Variants in RSPO2 observed in about 807,000 individuals in gnomAD.
RSPO2 encodes R-spondin 2.
A neutral mutation model predicts 30.9 loss-of-function variants in RSPO2; 14 were observed. The ratio of observed to expected loss-of-function variants is 0.45; its 90% confidence interval spans 0.30 to 0.71. The LOEUF (loss-of-function observed/expected upper bound fraction) is 0.71. Among genes scored for constraint, RSPO2 ranks in the 30% least tolerant of loss-of-function variants. The pLI is 0.08. For missense variants in RSPO2, 264 were observed against 301.9 expected (o/e 0.87, Z 0.93); for synonymous variants, 107 against 96.4 (o/e 1.11, Z -0.64).
chr8:107,923,618 CAT>C (rs1213670035), intron 5 of RSPO2, among the ~76,000 whole-genome samples: 1 of 152,122 alleles, frequency 6.6e-6, no homozygotes, highest in African/African-American at 2.4e-5. Flanking sequence ...CACATGCACT[CAT>C]ATGTTTGTTG....
chr8:107,967,613 C>A (rs1241595850), intron 3 of RSPO2, among the ~76,000 whole-genome samples: 1 of 151,978 alleles, frequency 6.6e-6, no homozygotes, highest in Non-Finnish European at 1.5e-5. Flanking sequence ...ACACAGAGAA[C>A]CAGCATTACT....
chr8:107,995,095 T>C (rs1015626262), intron 2 of RSPO2, among the ~76,000 whole-genome samples: 1 of 152,030 alleles, frequency 6.6e-6, no homozygotes, highest in African/African-American at 2.4e-5. Flanking sequence ...AAGGCCAATA[T>C]AACATCTTGA....
At chr8:107,964,857 T>C (rs1813745431) in intron 3 of RSPO2, among the ~76,000 whole-genome samples, 1 of 152,194 alleles carries the variant, frequency 6.6e-6, no homozygotes, top group East Asian at 1.9e-4. Flanking sequence ...ATTCTCATTA[T>C]AAGTAAAAAC....
chr8:107,970,939 G>T (rs1311498066), intron 3 of RSPO2, among the ~76,000 whole-genome samples: 1 of 152,204 alleles, frequency 6.6e-6, no homozygotes. Context: ...ATACAGTCTT[G>T]GTTGTACCAC....
intron 3 of RSPO2, among the ~76,000 whole-genome samples, chr8:107,967,912 C>A (rs1394359274): frequency 2.0e-5 from 3 of 151,970 alleles, no homozygotes; most frequent in Admixed American, 6.6e-5. Flanking sequence ...GTCTTAATGT[C>A]CTCATGTATT....
intron 5 of RSPO2, among the ~76,000 whole-genome samples, chr8:107,935,688 G>C (rs1050358984): frequency 1.3e-5 from 2 of 152,054 alleles, no homozygotes; most frequent in Non-Finnish European, 2.9e-5. Flanking sequence ...CTAGGAATCT[G>C]GAACAATACT....
At chr8:107,986,984 T>C (rs1227146988) in intron 3 of RSPO2, among the ~76,000 whole-genome samples, 2 of 152,310 alleles carry the variant, frequency 1.3e-5, no homozygotes, top group Non-Finnish European at 2.9e-5. Context: ...TGCAAGCCAG[T>C]CTACAACTGG....
At chr8:107,989,303 T>G in intron 2 of RSPO2, 59 bp from the exon 3 acceptor site, 1 of 1,073,352 alleles carries the variant, frequency 9.3e-7, no homozygotes, top group Non-Finnish European at 1.3e-6. Context: ...TTTTGGTAAA[T>G]ACACCTGCTG....
chr8:107,916,928 G>T (rs1185323291), intron 5 of RSPO2, among the ~76,000 whole-genome samples: 2 of 152,160 alleles, frequency 1.3e-5, no homozygotes, highest in African/African-American at 4.8e-5. Flanking sequence ...AAACTGGATA[G>T]ATTTGTAAAA....
chr8:108,080,414 C>G (rs1200658817), intron 2 of RSPO2, among the ~76,000 whole-genome samples: 1 of 152,152 alleles, frequency 6.6e-6, no homozygotes, highest in South Asian at 2.1e-4. Context: ...TTTATTAAAT[C>G]GAAAGGTTGA....
At chr8:108,058,022 A>C (rs1270471932) in intron 2 of RSPO2, among the ~76,000 whole-genome samples, 1 of 152,070 alleles carries the variant, frequency 6.6e-6, no homozygotes, top group Non-Finnish European at 1.5e-5. Context: ...GTTGAATAGG[A>C]GTGGTGAGAG....
chr8:107,908,548 A>G (rs1193518856), intron 5 of RSPO2, among the ~76,000 whole-genome samples: 2 of 152,220 alleles, frequency 1.3e-5, no homozygotes, highest in Non-Finnish European at 2.9e-5. Context: ...CTTTTACAGT[A>G]AGAGTACTGG....
At chr8:107,970,685 G>T in intron 3 of RSPO2, among the ~76,000 whole-genome samples, 1 of 152,170 alleles carries the variant, frequency 6.6e-6, no homozygotes, top group Non-Finnish European at 1.5e-5. Flanking sequence ...CTGATCAGTT[G>T]TCTGTGGGTC....
Position 107,952,995 on chromosome 8 carries a change from TG to T in RSPO2, c.616+5084del, listed in dbSNP as rs201819086. Among the ~76,000 whole-genome samples the T allele has an allele frequency of 4.7e-4, 71 of 152,316 alleles. 1 individual carries two copies. In the East Asian group the frequency reaches 0.013, roughly 29 times the overall value. On this transcript the variant is annotated intron_variant, in intron 5 of 5. Coordinates refer to ENST00000276659, the MANE Select transcript of RSPO2 (RefSeq NM_178565.5). ...TAGCACAGTACTAAGAAAATGTGACTGGAGTTTAAAGAATTGCTGTGTGGTT... is the reference window on the plus strand; with the variant it reads ...TAGCACAGTACTAAGAAAATGTGACTGAGTTTAAAGAATTGCTGTGTGGTT...
At chr8:107,930,540 C>T (rs1386765377) in intron 5 of RSPO2, among the ~76,000 whole-genome samples, 1 of 152,180 alleles carries the variant, frequency 6.6e-6, no homozygotes, top group African/African-American at 2.4e-5. Flanking sequence ...ACCTTTGTTA[C>T]ACCATATTGC....
chr8:108,041,808 G>A (rs1366578819), intron 2 of RSPO2, among the ~76,000 whole-genome samples: 1 of 152,018 alleles, frequency 6.6e-6, no homozygotes, highest in Non-Finnish European at 1.5e-5. Flanking sequence ...AATCCCAACT[G>A]AGACCAAAAA....
intron 2 of RSPO2, among the ~76,000 whole-genome samples, chr8:108,031,447 C>T (rs1380325182): frequency 1.3e-5 from 2 of 152,220 alleles, no homozygotes; most frequent in East Asian, 1.9e-4. Context: ...TACTATACAT[C>T]CCATGCACTT....
intron 5 of RSPO2, among the ~76,000 whole-genome samples, chr8:107,946,358 TGAGTAACTAGAA>T (rs1035820150): frequency 2.0e-5 from 3 of 152,210 alleles, no homozygotes; most frequent in Non-Finnish European, 4.4e-5. Context: ...ACTGCAAGCC[TGAGTAACTAGAA>T]GACTAGTGAT....
chr8:107,948,882 TA>T lies in RSPO2; in HGVS notation c.616+9197del, dbSNP rs778460028. Among the ~76,000 whole-genome samples the T allele has an allele frequency of 5.2e-3, 775 of 149,326 alleles. 8 individuals are homozygous for T. Among genetic ancestry groups the T allele is most frequent in the African/African-American group, 0.017 (696 of 40,756 alleles). On this transcript the variant is annotated intron_variant, in intron 5 of 5. Transcript: ENST00000276659. ...CTCAAAAAAAAAATAAATAAATAAATAAATAAAAATCTATTTAGAAAATACA... is the reference window on the plus strand; with the variant it reads ...CTCAAAAAAAAAATAAATAAATAAATAATAAAAATCTATTTAGAAAATACA...
Sources: gnomAD v4.1 joint callset for allele counts (sites outside exome capture counted in the v4.1 genomes callset) on GRCh38, gnomAD v4.1.1 for gene constraint, MANE v1.5 for transcripts, NCBI Gene and HGNC (gene_info 2026-07-23, HGNC 2026-07-21) for gene names.